Variants in ADCY5 observed in about 807,000 individuals in gnomAD.
ADCY5 encodes the protein adenylate cyclase 5.
Under a neutral mutation model 119.7 loss-of-function variants are expected in ADCY5, and 30 were observed. The observed-to-expected ratio is 0.25, with a 90% CI of 0.19 to 0.34. The LOEUF (loss-of-function observed/expected upper bound fraction) is 0.34. ADCY5 is among the 10% of genes least tolerant of loss of function. ADCY5 has a pLI of 1.00. For synonymous variants in ADCY5, 753 were observed against 762.2 expected (o/e 0.99, Z 0.20); for missense variants, 1,324 against 1,775.2 (o/e 0.75, Z 4.57).
At chr3:123,439,866 C>A (rs556670019) in intron 1 of ADCY5, among the ~76,000 whole-genome samples, 1 of 152,250 alleles carries the variant, frequency 6.6e-6, no homozygotes, top group East Asian at 1.9e-4. Flanking sequence ...GAAAGAACGA[C>A]TTAATGATGG....
At chr3:123,415,354 C>T (rs369016733) in intron 1 of ADCY5, among the ~76,000 whole-genome samples, 7 of 152,168 alleles carry the variant, frequency 4.6e-5, no homozygotes, top group Non-Finnish European at 1.0e-4. Flanking sequence ...ACCACCTCCA[C>T]GCCAGAGCCA....
At chr3:123,322,839 A>T (rs1941292409) in intron 8 of ADCY5, among the ~76,000 whole-genome samples, 1 of 152,228 alleles carries the variant, frequency 6.6e-6, no homozygotes, top group African/African-American at 2.4e-5. Context: ...AAGATTTAAA[A>T]GGCACTGCTG....
intron 1 of ADCY5, among the ~76,000 whole-genome samples, chr3:123,386,722 G>A (rs1944237430): frequency 6.6e-6 from 1 of 152,026 alleles, no homozygotes; most frequent in South Asian, 2.1e-4. Flanking sequence ...AAACACCCCT[G>A]ACCAGTCTTT....
At chr3:123,303,544 G>C (rs964784725) in intron 13 of ADCY5, among the ~76,000 whole-genome samples, 1 of 152,168 alleles carries the variant, frequency 6.6e-6, no homozygotes, top group African/African-American at 2.4e-5. Context: ...AAGCATAGTG[G>C]CTCATGCCTG....
intron 8 of ADCY5, among the ~76,000 whole-genome samples, chr3:123,321,067 C>T (rs1190399039): frequency 6.6e-6 from 1 of 152,142 alleles, no homozygotes; most frequent in African/African-American, 2.4e-5. Context: ...AACTCCTTTC[C>T]TAAATCTCTC....
Position 123,305,052 on chromosome 3 carries a change from G to A in ADCY5, c.2443-869C>T, listed in dbSNP as rs1367124105. Among the ~76,000 whole-genome samples, 3 of 152,264 alleles carry A rather than the reference G, an allele frequency of 2.0e-5. No homozygotes were observed. In the East Asian group the frequency reaches 5.8e-4, roughly 29 times the overall value. On this transcript the variant is annotated intron_variant, in intron 12 of 20. Transcript: ENST00000462833. ...GCTAGGTGTCTATAAAACCCCCCAA[G>A]GGCAGACAGGGTGGTTGAAAAAGCA...
intron 1 of ADCY5, among the ~76,000 whole-genome samples, chr3:123,412,455 T>C (rs1157791887): frequency 1.3e-5 from 2 of 152,158 alleles, no homozygotes; most frequent in African/African-American, 4.8e-5. Context: ...ACACTGGGGT[T>C]CCCAAAGGGG....
chr3:123,447,367 C>G, intron 1 of ADCY5, 45 bp downstream of exon 1: 1 of 1,464,612 alleles, frequency 6.8e-7, no homozygotes, highest in Non-Finnish European at 9.1e-7. Flanking sequence ...CAGCTGAGGC[C>G]TGCCCGCCCC....
chr3:123,352,417 A>G lies in ADCY5; in HGVS notation c.1284+15T>C. 6.2e-7 allele frequency: 1 copy of G among 1,608,378 alleles called. No individual in the cohort carries two copies. Among genetic ancestry groups the G allele is most frequent in the Non-Finnish European group, 8.5e-7 (1 of 1,178,522 alleles). ...CGACTCCGTCCCACTGTGCAAGGGCAGGGGCCTCACTCACCTGCTGCTGGT... is the reference window on the plus strand; with the variant it reads ...CGACTCCGTCCCACTGTGCAAGGGCGGGGGCCTCACTCACCTGCTGCTGGT... On this transcript the variant is annotated intron_variant, in intron 2 of 20. Transcript: ENST00000462833. This position sits in a 1 kb window ranked among gnomAD's most constrained non-coding sequence, Gnocchi z 4.8.
At chr3:123,353,700 A>C (rs1208398116) in intron 1 of ADCY5, among the ~76,000 whole-genome samples, 1 of 152,148 alleles carries the variant, frequency 6.6e-6, no homozygotes, top group East Asian at 1.9e-4. Context: ...GATCCCAAAG[A>C]GTCTTGCTGT....
chr3:123,384,395 G>A (rs1944145001), intron 1 of ADCY5, among the ~76,000 whole-genome samples: 1 of 152,156 alleles, frequency 6.6e-6, no homozygotes, highest in Admixed American at 6.5e-5. Flanking sequence ...TGACTGAGTC[G>A]CCCTGGGTCA....
At chr3:123,298,389 T>G (rs56770904) in intron 15 of ADCY5, among the ~76,000 whole-genome samples, 5,710 of 152,180 alleles carry the variant, frequency 0.038, 353 homozygotes, top group African/African-American at 0.13. Flanking sequence ...GAGGAGATGC[T>G]GAGGATGGGA....
intron 1 of ADCY5, among the ~76,000 whole-genome samples, chr3:123,441,071 T>C (rs1373666095): frequency 6.6e-6 from 1 of 152,204 alleles, no homozygotes; most frequent in African/African-American, 2.4e-5. Context: ...TTGCCACTGT[T>C]GCAAGACACT....
At chr3:123,445,344 C>CG (rs887489761) in intron 1 of ADCY5, among the ~76,000 whole-genome samples, 4 of 150,382 alleles carry the variant, frequency 2.7e-5, no homozygotes, top group Admixed American at 6.6e-5. Context: ...TTGGGGCCCC[C>CG]CCCAAGGCTC....
chr3:123,416,075 A>C, intron 1 of ADCY5: 1 of 1,232,720 alleles, frequency 8.1e-7, no homozygotes, highest in Non-Finnish European at 1.1e-6. Context: ...CAGGGGTTAC[A>C]GTACAGGCCC....
chr3:123,445,082 T>C (rs1216680076), intron 1 of ADCY5, among the ~76,000 whole-genome samples: 2 of 152,192 alleles, frequency 1.3e-5, no homozygotes, highest in Non-Finnish European at 2.9e-5. Context: ...GAGGAAATGT[T>C]TGCATTCCCT....
At chr3:123,394,491 C>A (rs956098840) in intron 1 of ADCY5, among the ~76,000 whole-genome samples, 2 of 152,292 alleles carry the variant, frequency 1.3e-5, no homozygotes, top group East Asian at 3.9e-4. Flanking sequence ...AAGTGATCAT[C>A]TCAGATTGTC....
intron 1 of ADCY5, among the ~76,000 whole-genome samples, chr3:123,394,053 C>A (rs1017168537): frequency 6.6e-5 from 10 of 152,086 alleles, no homozygotes; most frequent in Non-Finnish European, 1.5e-4. Context: ...TCACTTCAAC[C>A]CATAAGGTGG....
chr3:123,335,012 C>T (rs967462268), intron 3 of ADCY5, among the ~76,000 whole-genome samples: 2 of 152,136 alleles, frequency 1.3e-5, no homozygotes, highest in African/African-American at 2.4e-5. Flanking sequence ...AGCCAATTCC[C>T]AGAGACAGTA....
Sources: allele counts gnomAD v4.1 joint callset (sites outside exome capture counted in the v4.1 genomes callset), GRCh38; gene constraint gnomAD v4.1.1; non-coding constraint Gnocchi (gnomAD v3.1); transcripts MANE v1.5; gene names NCBI Gene and HGNC (gene_info 2026-07-23, HGNC 2026-07-21).